The following AP3B1 variants were observed in gnomAD, a reference collection of about 807,000 sequenced individuals.
AP3B1 encodes adaptor related protein complex 3 subunit beta 1, also known as AP-3 complex subunit beta-1.
In AP3B1, 61 loss-of-function variants were observed where a neutral mutation model predicts 132.5. That is an observed-to-expected ratio of 0.46 (90% confidence interval 0.37 to 0.57). The LOEUF is 0.57. Among genes scored for constraint, AP3B1 ranks in the 20% least tolerant of loss-of-function variants. AP3B1 has a pLI of 0.00. For synonymous variants in AP3B1, 388 were observed against 438.3 expected (o/e 0.89, Z 1.43); for missense variants, 1,120 against 1,289.4 (o/e 0.87, Z 2.01).
chr5:78,034,495 A>G (rs1747716777), intron 23 of AP3B1, 50 bp from the exon 24 acceptor site: 3 of 1,377,784 alleles, frequency 2.2e-6, no homozygotes, highest in Non-Finnish European at 2.1e-6. Context: ...TGTGAAAAAG[A>G]GGCAAACTAA....
chr5:78,118,677 A>C (rs555064233), intron 17 of AP3B1, among the ~76,000 whole-genome samples: 1 of 152,366 alleles, frequency 6.6e-6, no homozygotes, highest in African/African-American at 2.4e-5. Flanking sequence ...GCAGCCAGGA[A>C]GCTCGAACTG....
intron 16 of AP3B1, 62 bp downstream of exon 16, chr5:78,129,059 T>C: frequency 2.2e-6 from 3 of 1,393,356 alleles, no homozygotes; most frequent in Non-Finnish European, 3.0e-6. Flanking sequence ...ACATTAGAAA[T>C]GGCAACATCT....
chr5:78,202,435 A>C (rs1380746164), intron 7 of AP3B1, among the ~76,000 whole-genome samples: 2 of 152,222 alleles, frequency 1.3e-5, no homozygotes, highest in South Asian at 2.1e-4. Context: ...GGGGAACTGA[A>C]GTGCAGGAAA....
chr5:78,036,550 A>G (rs1747816711), intron 23 of AP3B1, among the ~76,000 whole-genome samples: 1 of 152,156 alleles, frequency 6.6e-6, no homozygotes, highest in Non-Finnish European at 1.5e-5. Context: ...AAAGCCACTG[A>G]ATATAGTAAA....
Position 78,163,050 on chromosome 5 carries a change from T to A in AP3B1, c.1231-99A>T, listed in dbSNP as rs911242880. On this transcript the variant is annotated intron_variant, in intron 12 of 26. Transcript: ENST00000255194. ...TTGTCAATATATAAGAATTCCAGAA[T>A]ACATAAACTTCTCATAAGCACAATA... 36 of 1,135,788 alleles carry A rather than the reference T, an allele frequency of 3.2e-5. No homozygotes were observed. The Admixed American group carries it at 5.1e-4, about 16-fold the overall frequency. 70.4% of individuals were successfully genotyped at this position (1,135,788 alleles called of 1,614,324 possible). A position where few individuals can be genotyped will look rare whatever the true frequency, so the allele number is the denominator to read the frequency against.
chr5:78,133,288 G>A (rs1187316038), intron 15 of AP3B1, among the ~76,000 whole-genome samples: 2 of 152,156 alleles, frequency 1.3e-5, no homozygotes, highest in Non-Finnish European at 2.9e-5. Context: ...GTTCTAAAAG[G>A]AAGAAGTTAG....
rs532030932 is a variant in AP3B1, at chr5:78,020,553, C to T, written c.2992+139G>A. On this transcript the variant is annotated intron_variant, in intron 25 of 26. Transcript: ENST00000255194. ...TGTTTTTAAGGTTGTAAGTGCAAAGCATTAACAAAAATTGGAAGATTGTGC... is the reference window on the plus strand; with the variant it reads ...TGTTTTTAAGGTTGTAAGTGCAAAGTATTAACAAAAATTGGAAGATTGTGC... 2.5e-5 allele frequency: 17 copies of T among 690,100 alleles called. 1 individual carries two copies. In the South Asian group the frequency reaches 2.7e-4, roughly 11 times the overall value. The allele number at this position is 690,100 out of a possible 1,614,324, so 42.7% of individuals were successfully genotyped here.
At chr5:78,047,098 T>C (rs1748367853) in intron 22 of AP3B1, among the ~76,000 whole-genome samples, 1 of 152,226 alleles carries the variant, frequency 6.6e-6, no homozygotes, top group South Asian at 2.1e-4. Context: ...ATCCAGTCTA[T>C]CATTGATGGA....
intron 3 of AP3B1, among the ~76,000 whole-genome samples, chr5:78,231,990 T>C (rs900928003): frequency 6.6e-6 from 1 of 152,208 alleles, no homozygotes; most frequent in African/African-American, 2.4e-5. Context: ...AAAATGTTAA[T>C]AGTAACTATC....
intron 1 of AP3B1, among the ~76,000 whole-genome samples, chr5:78,278,625 A>AAAAGGG (rs1561217252): frequency 7.7e-5 from 4 of 52,250 alleles, no homozygotes; most frequent in African/African-American, 2.4e-4. Flanking sequence ...AAAAAAAAAA[A>AAAAGGG]GGGGGGGGGG....
At chr5:78,225,421 C>T (rs1192559821) in intron 6 of AP3B1, 121 bp downstream of exon 6, 3 of 528,974 alleles carry the variant, frequency 5.7e-6, no homozygotes, top group Non-Finnish European at 9.6e-6. Context: ...GTCCTGTGTG[C>T]CATTAATATT....
At chr5:78,096,167 T>C (rs1036905686) in intron 21 of AP3B1, among the ~76,000 whole-genome samples, 1 of 152,186 alleles carries the variant, frequency 6.6e-6, no homozygotes, top group Non-Finnish European at 1.5e-5. Context: ...CGCGCCGCCA[T>C]GCCTGGCTGG....
At chr5:78,243,273 CCATT>C (rs148044734) in intron 2 of AP3B1, among the ~76,000 whole-genome samples, 4,397 of 151,792 alleles carry the variant, frequency 0.029, 188 homozygotes, top group East Asian at 0.21. Flanking sequence ...AGGACCCCTG[CCATT>C]CATTCATTCA....
At chr5:78,040,362 T>C (rs1260360694) in intron 22 of AP3B1, among the ~76,000 whole-genome samples, 1 of 152,236 alleles carries the variant, frequency 6.6e-6, no homozygotes, top group Non-Finnish European at 1.5e-5. Context: ...GAGATATTTC[T>C]GGGCCTTGAT....
At chr5:78,063,630 A>G (rs1749155767) in intron 22 of AP3B1, among the ~76,000 whole-genome samples, 1 of 152,234 alleles carries the variant, frequency 6.6e-6, no homozygotes, top group Non-Finnish European at 1.5e-5. Flanking sequence ...ATTCTTAAAT[A>G]GTATATGGCC....
intron 14 of AP3B1, among the ~76,000 whole-genome samples, chr5:78,148,215 T>A (rs1227237385): frequency 1.3e-5 from 2 of 152,112 alleles, no homozygotes; most frequent in African/African-American, 4.8e-5. Context: ...AGCTGCACTC[T>A]CCTGAAGCCC....
At chr5:78,122,403 A>G (rs1248126435) in intron 17 of AP3B1, among the ~76,000 whole-genome samples, 1 of 152,226 alleles carries the variant, frequency 6.6e-6, no homozygotes, top group Admixed American at 6.5e-5. Flanking sequence ...GATGAAGTCA[A>G]ATTGTCCCTG....
In AP3B1 at chr5:78,128,092, A is replaced by C; in HGVS notation, c.1906T>G (p.Leu636Val). The part of the protein sequence containing the change: ...LNIKATGYLE[L>V]SNWPEVAPDP... ...GGCGCCACCTCTGGCCAATTAGATA[A>C]TTCCAGGTACCCAGTAGCTTTAATG... Residue 636 changes from leucine to valine, a missense_variant, in exon 17 of 27, where the codon TTA becomes GTA. Coordinates refer to ENST00000255194, the MANE Select transcript of AP3B1 (RefSeq NM_003664.5). 1 of 1,613,362 alleles carries C rather than the reference A, an allele frequency of 6.2e-7. No homozygotes were observed. The highest frequency in any genetic ancestry group is 8.5e-7 in the Non-Finnish European group (1 of 1,179,382).
intron 7 of AP3B1, among the ~76,000 whole-genome samples, chr5:78,209,293 A>G (rs1193580121): frequency 6.6e-6 from 1 of 152,166 alleles, no homozygotes; most frequent in Non-Finnish European, 1.5e-5. Flanking sequence ...TAACATCAAC[A>G]TAGACCTTAA....
Sources: gnomAD v4.1 joint callset for allele counts (sites outside exome capture counted in the v4.1 genomes callset) on GRCh38, gnomAD v4.1.1 for gene constraint, MANE v1.5 for transcripts, NCBI Gene and HGNC (gene_info 2026-07-23, HGNC 2026-07-21) for gene names.